CEP44: variants seen among roughly 807,000 people sequenced by gnomAD.
CEP44 encodes centrosomal protein 44, also known as centrosomal protein of 44 kDa.
Under a neutral mutation model 46.7 loss-of-function variants are expected in CEP44, and 45 were observed. The observed-to-expected ratio is 0.96, with a 90% CI of 0.76 to 1.24. The LOEUF (loss-of-function observed/expected upper bound fraction) is 1.24, where lower values mean the gene tolerates loss of function less well. Ranked by LOEUF, CEP44 falls within the 50% of genes most tolerant of loss-of-function variation. CEP44 has a pLI of 0.00. For missense variants in CEP44, 475 were observed against 459.7 expected (o/e 1.03, Z -0.30); for synonymous variants, 142 against 146.0 (o/e 0.97, Z 0.20).
chr4:174,284,187 G>A (rs758012738), intron 1 of CEP44: 117 of 397,622 alleles, frequency 2.9e-4, no homozygotes, highest in Non-Finnish European at 4.2e-4. Flanking sequence ...TTGGGCGGAG[G>A]TCGCCTCTCT....
At chr4:174,324,289 T>C (rs1442467681), downstream of CEP44, among the ~76,000 whole-genome samples, 2 of 152,154 alleles carry the variant, frequency 1.3e-5, no homozygotes, top group African/African-American at 4.8e-5. Context: ...CACAATTTCA[T>C]CAGTTGATGG....
chr4:174,303,103 A>G (rs548586321), intron 4 of CEP44, among the ~76,000 whole-genome samples: 1 of 152,280 alleles, frequency 6.6e-6, no homozygotes, highest in South Asian at 2.1e-4. Flanking sequence ...TAAAAAAAGC[A>G]GAGTTGCAGT....
At chr4:174,284,464 G>A (rs1438532652) in intron 1 of CEP44, among the ~76,000 whole-genome samples, 3 of 152,154 alleles carry the variant, frequency 2.0e-5, no homozygotes, top group Admixed American at 2.0e-4. Context: ...AGACAGGACA[G>A]CAGTTCGTGT....
chr4:174,293,219 T>G (rs1738442483), intron 1 of CEP44, among the ~76,000 whole-genome samples: 1 of 152,132 alleles, frequency 6.6e-6, no homozygotes, highest in African/African-American at 2.4e-5. Flanking sequence ...CTTGGACAGG[T>G]GAGTTGAAGC....
Position 174,331,543 on chromosome 4 carries a change from A to G in CEP44, c.1148A>G (p.His383Arg). 6.4e-7 allele frequency: 1 copy of G among 1,551,600 alleles called. No homozygotes were observed. Among genetic ancestry groups the G allele is most frequent in the Non-Finnish European group, 8.7e-7 (1 of 1,146,936 alleles). ...AGTCTCAGCTGGCTGCTCCGTGGGC[A>G]TACTTCATACCTTTCATCACAGAGC... Residue 383 changes from histidine (H) to arginine (R), a missense_variant, in exon 9 of 9, where the codon CAT (histidine) becomes CGT (arginine). His to Arg is a conservative substitution (Grantham distance 29). Coordinates refer to the CEP44 transcript ENST00000426172. This position sits in a 1 kb window ranked among gnomAD's most constrained non-coding sequence, Gnocchi z 4.5.
rs1194475891 is a variant in CEP44, at chr4:174,291,777, TTTTTC to T, written c.-147-6179_-147-6175del. ...TTCATGTTTTCTTTATTCTTTTATC[TTTTTC>T]TTTTCTTTTTTTTTTTTTTTTTTTT... On this transcript the variant is annotated intron_variant, in intron 1 of 11. Coordinates refer to ENST00000503780, the MANE Select transcript of CEP44 (RefSeq NM_001040157.3). 5.1e-3 allele frequency among the ~76,000 whole-genome samples: 701 copies of T among 137,668 alleles called. 11 individuals are homozygous for T. Among genetic ancestry groups the T allele is most frequent in the South Asian group, 0.015 (57 of 3,756 alleles). The allele number at this position is 137,668 out of a possible 152,430, so 90.3% of individuals were successfully genotyped here.
chr4:174,315,601 C>G (rs1214364423), intron 9 of CEP44, among the ~76,000 whole-genome samples: 1 of 151,954 alleles, frequency 6.6e-6, no homozygotes, highest in Non-Finnish European at 1.5e-5. Context: ...AGCATCATGA[C>G]AAATTCATGG....
rs533751454 is a variant in CEP44, at chr4:174,312,978, A to G, written c.961+2120A>G. Among the ~76,000 whole-genome samples the G allele has an allele frequency of 6.6e-6, 1 of 152,136 alleles. No individual in the cohort carries two copies. Among genetic ancestry groups the G allele is most frequent in the Non-Finnish European group, 1.5e-5 (1 of 68,028 alleles). On this transcript the variant is annotated intron_variant, in intron 9 of 11. Coordinates refer to ENST00000503780, the MANE Select transcript of CEP44 (RefSeq NM_001040157.3). The surrounding 1 kb of genome is among the most constrained non-coding windows in gnomAD (Gnocchi z 4.5). ...TAAGAGTGAATTAGCAGAGGCTTTTAGGGATTGGACTTGTGTTGGATAATT... is the reference window on the plus strand; with the variant it reads ...TAAGAGTGAATTAGCAGAGGCTTTTGGGGATTGGACTTGTGTTGGATAATT...
chr4:174,297,347 A>G lies in CEP44; in HGVS notation c.-147-619A>G, dbSNP rs906090967. Among the ~76,000 whole-genome samples the G allele has an allele frequency of 5.9e-5, 9 of 151,978 alleles. No individual in the cohort carries two copies. The highest frequency in any genetic ancestry group is 1.2e-4 in the Non-Finnish European group (8 of 68,000). On this transcript the variant is annotated intron_variant, in intron 1 of 11. Coordinates refer to ENST00000503780, the MANE Select transcript of CEP44 (RefSeq NM_001040157.3). This position sits in a 1 kb window ranked among gnomAD's most constrained non-coding sequence, Gnocchi z 4.3. ...TGCTTATTTTGTTTAAGGTATTTAT[A>G]TATACTTTTCATACTGAAGCTTCCC...
chr4:174,291,794 T>C (rs564846384), intron 1 of CEP44, among the ~76,000 whole-genome samples: 3 of 120,304 alleles, frequency 2.5e-5, no homozygotes, highest in Admixed American at 7.9e-5. Flanking sequence ...TTTCTTTTTT[T>C]TTTTTTTTTT....
exon 9 of CEP44, chr4:174,333,032 C>T (rs1442993197): frequency 6.6e-6 from 1 of 151,938 alleles, no homozygotes; most frequent in African/African-American, 2.4e-5. Context: ...GCACATAGGA[C>T]ATTTATATTT....
rs1367330717 is a variant in CEP44, at chr4:174,319,968, T to C, written c.*2585T>C. 1.0e-6 allele frequency: 1 copy of C among 985,108 alleles called. No individual in the cohort carries two copies. Among genetic ancestry groups the C allele is most frequent in the African/African-American group, 1.7e-5 (1 of 57,224 alleles). 61.0% of individuals were successfully genotyped at this position (985,108 alleles called of 1,614,324 possible). On this transcript the variant is annotated 3_prime_UTR_variant, in exon 12 of 12. Transcript: ENST00000503780. ...GCAGGGGAGTTCTGAAGAGATTACC[T>C]AGAGCTACATAACCCTAAGTTAAGT...
chr4:174,284,977 A>G (rs1368147810), intron 1 of CEP44, among the ~76,000 whole-genome samples: 1 of 152,168 alleles, frequency 6.6e-6, no homozygotes, highest in African/African-American at 2.4e-5. Context: ...TGTTTTAATG[A>G]CCTCTAACAG....
chr4:174,291,787 CTTTTTTTT>C (rs56201469), intron 1 of CEP44, among the ~76,000 whole-genome samples: 45 of 46,406 alleles, frequency 9.7e-4, no homozygotes, highest in East Asian at 3.5e-3. Flanking sequence ...TTTTTCTTTT[CTTTTTTTT>C]TTTTTTTTTT....
At chr4:174,321,011 C>G (rs1280042106), downstream of CEP44, among the ~76,000 whole-genome samples, 2 of 151,898 alleles carry the variant, frequency 1.3e-5, no homozygotes, top group African/African-American at 2.4e-5. Flanking sequence ...TATCTTCAAT[C>G]TAGTATCTGG....
Position 174,317,869 on chromosome 4 carries a change from A to G in CEP44, c.*486A>G. The G allele has an allele frequency of 1.0e-6, 1 of 985,650 alleles. No homozygotes were observed. Among genetic ancestry groups the G allele is most frequent in the Non-Finnish European group, 1.2e-6 (1 of 829,786 alleles). 61.1% of individuals were successfully genotyped at this position (985,650 alleles called of 1,614,324 possible). A position where few individuals can be genotyped will look rare whatever the true frequency, so the allele number is the denominator to read the frequency against. On this transcript the variant is annotated 3_prime_UTR_variant, in exon 12 of 12. Coordinates refer to ENST00000503780, the MANE Select transcript of CEP44 (RefSeq NM_001040157.3). The stretch of plus-strand genomic sequence containing the variant: ...TGCTCATTGAAAATTAAATAAAACA[A>G]AAAGGCAGTTATTTCATGCTTGGTC...
At chr4:174,283,856 C>A, upstream of CEP44, 1 of 398,840 alleles carries the variant, frequency 2.5e-6, no homozygotes, top group South Asian at 1.3e-4. This position sits in a 1 kb window ranked among gnomAD's most constrained non-coding sequence, Gnocchi z 6.7. Flanking sequence ...CGGAGTCGCT[C>A]TTCACAGGAG....
chr4:174,284,130 G>A (rs1219535647), intron 1 of CEP44, 187 bp downstream of exon 1: 1 of 398,900 alleles, frequency 2.5e-6, no homozygotes, highest in African/African-American at 2.1e-5. Flanking sequence ...TTCTTTGCTG[G>A]TGGCTGCTTG....
intron 6 of CEP44, among the ~76,000 whole-genome samples, chr4:174,305,539 C>T (rs1307160140): frequency 6.6e-6 from 1 of 152,084 alleles, no homozygotes; most frequent in African/African-American, 2.4e-5. Context: ...TTTTAATGTA[C>T]CTGTTTTGCT....
Sources: allele counts gnomAD v4.1 joint callset (sites outside exome capture counted in the v4.1 genomes callset), GRCh38; gene constraint gnomAD v4.1.1; non-coding constraint Gnocchi (gnomAD v3.1); transcripts MANE v1.5; gene names NCBI Gene and HGNC (gene_info 2026-07-23, HGNC 2026-07-21).